The following ESYT3 variants were observed in gnomAD, a reference collection of about 807,000 sequenced individuals.
The protein encoded by ESYT3 is extended synaptotagmin-3.
A neutral mutation model predicts 111.5 loss-of-function variants in ESYT3; 101 were observed. The observed-to-expected ratio is 0.91, with a 90% CI of 0.77 to 1.07. The LOEUF is 1.07. ESYT3 is among the 50% of genes least tolerant of loss of function. The probability of loss-of-function intolerance (pLI) is 0.00; values close to 1 mark genes in which losing one functional copy is unlikely to be tolerated. For synonymous variants in ESYT3, 416 were observed against 446.8 expected (o/e 0.93, Z 0.87); for missense variants, 1,097 against 1,109.4 (o/e 0.99, Z 0.16).
At chr3:138,436,196 G>A (rs2030671734) in intron 1 of ESYT3, among the ~76,000 whole-genome samples, 1 of 152,164 alleles carries the variant, frequency 6.6e-6, no homozygotes, top group Non-Finnish European at 1.5e-5. Flanking sequence ...CAGGCTGCGT[G>A]GCTTAAGCAG....
Position 138,459,183 on chromosome 3 carries a change from T to C in ESYT3, c.582-4T>C. ...CCACCTTCCTTTTCCACCCCCCATTTCAGCTACATCGGGGACTGTGAGATC... is the reference window on the plus strand; with the variant it reads ...CCACCTTCCTTTTCCACCCCCCATTCCAGCTACATCGGGGACTGTGAGATC... On this transcript the variant is annotated splice_polypyrimidine_tract_variant and splice_region_variant and intron_variant, in intron 4 of 22. Transcript: ENST00000389567. 1 of 1,507,648 alleles carries C rather than the reference T, an allele frequency of 6.6e-7. No homozygotes were observed. Among genetic ancestry groups the C allele is most frequent in the South Asian group, 1.3e-5 (1 of 75,506 alleles). 93.4% of individuals were successfully genotyped at this position (1,507,648 alleles called of 1,614,324 possible).
At chr3:138,458,218 T>G (rs991911954) in intron 4 of ESYT3, among the ~76,000 whole-genome samples, 2 of 152,200 alleles carry the variant, frequency 1.3e-5, no homozygotes, top group East Asian at 3.9e-4. Flanking sequence ...CTTTCCCATG[T>G]CTCATTCTGC....
intron 10 of ESYT3, 87 bp downstream of exon 10, chr3:138,465,508 A>T: frequency 1.9e-6 from 2 of 1,039,518 alleles, no homozygotes; most frequent in Non-Finnish European, 2.9e-6. Flanking sequence ...CTACCACTTA[A>T]TGACTAGCAA....
chr3:138,465,298 G>A lies in ESYT3; in HGVS notation c.1087-41G>A, dbSNP rs200720450. 1.5e-4 allele frequency: 220 copies of A among 1,474,428 alleles called. No individual in the cohort carries two copies. The African/African-American group carries it at 2.9e-3, about 19-fold the overall frequency. The allele number at this position is 1,474,428 out of a possible 1,614,324, so 91.3% of individuals were successfully genotyped here. A position where few individuals can be genotyped will look rare whatever the true frequency, so the allele number is the denominator to read the frequency against. ...CTCCCTTTGGGTCATATGTCAGGTCGACTGTTGCCTGCAGGTCAAGACACC... is the reference window on the plus strand; with the variant it reads ...CTCCCTTTGGGTCATATGTCAGGTCAACTGTTGCCTGCAGGTCAAGACACC... On this transcript the variant is annotated intron_variant, in intron 9 of 22. Coordinates refer to ENST00000389567, the MANE Select transcript of ESYT3 (RefSeq NM_031913.5).
At chr3:138,469,574 A>G in intron 15 of ESYT3, 70 bp downstream of exon 15, 1 of 1,329,916 alleles carries the variant, frequency 7.5e-7, no homozygotes, top group Non-Finnish European at 1.1e-6. Flanking sequence ...GAGAGAGGCA[A>G]AAGGGAGGGG....
intron 2 of ESYT3, among the ~76,000 whole-genome samples, chr3:138,454,496 G>A (rs2032146785): frequency 1.3e-5 from 2 of 152,232 alleles, no homozygotes; most frequent in Admixed American, 1.3e-4. Context: ...GGTGGAGGTT[G>A]CAGTGAGCCG....
At chr3:138,463,664 G>T (rs2032771243) in intron 8 of ESYT3, among the ~76,000 whole-genome samples, 2 of 152,226 alleles carry the variant, frequency 1.3e-5, no homozygotes, top group South Asian at 4.2e-4. Context: ...TGGGATTTCT[G>T]GGTCAAAGAG....
chr3:138,473,912 T>C (rs974776214), intron 19 of ESYT3, among the ~76,000 whole-genome samples: 1 of 152,208 alleles, frequency 6.6e-6, no homozygotes, highest in African/African-American at 2.4e-5. Context: ...CAGTACATTT[T>C]CCAAGTGAGA....
chr3:138,473,427 C>T, intron 18 of ESYT3, 109 bp from the exon 19 acceptor site: 1 of 909,390 alleles, frequency 1.1e-6, no homozygotes, highest in Non-Finnish European at 1.7e-6. Flanking sequence ...AATTATTATC[C>T]TACATGGCTC....
At position 138,468,107 on chromosome 3, in the gene ESYT3, G is replaced by GT; in HGVS notation, c.1224dup (p.Val409CysfsTer4). 1 of 1,614,140 alleles carries GT rather than the reference G, an allele frequency of 6.2e-7. No individual in the cohort carries two copies. Among genetic ancestry groups the GT allele is most frequent in the Non-Finnish European group, 8.5e-7 (1 of 1,180,016 alleles). ...AGCTTTCTGCCCCTACCCCACAGTG[G>GT]TTTGTCCTGAATGACACAACCAGCG... On this transcript the variant is annotated frameshift_variant, in exon 12 of 23. Transcript: ENST00000389567. LOFTEE classifies it high-confidence loss of function.
intron 8 of ESYT3, among the ~76,000 whole-genome samples, chr3:138,464,006 G>T (rs2032788797): frequency 6.6e-6 from 1 of 152,182 alleles, no homozygotes; most frequent in African/African-American, 2.4e-5. Context: ...ACAACAGAGG[G>T]GTCTGGAGTA....
Position 138,467,598 on chromosome 3 carries a change from G to A in ESYT3, c.1207G>A (p.Val403Met). Residue 403 changes from valine to methionine, a missense_variant, in exon 11 of 23, where the codon GTG (valine) becomes ATG (methionine). Transcript: ENST00000389567. ...CCTTGGAGATGTCATGACCAACAGA[G>A]TGGTGGATGAGGTACAGTTGGTGCT... Reference protein sequence around the residue: ...ICLGDVMTNRVVDEWFVLNDT... With the variant: ...ICLGDVMTNRMVDEWFVLNDT... 1 of 1,613,988 alleles carries A rather than the reference G, an allele frequency of 6.2e-7. No individual in the cohort carries two copies. Among genetic ancestry groups the A allele is most frequent in the East Asian group, 2.2e-5 (1 of 44,892 alleles).
intron 8 of ESYT3, among the ~76,000 whole-genome samples, chr3:138,463,821 A>C (rs1360870459): frequency 6.6e-6 from 1 of 152,216 alleles, no homozygotes; most frequent in Non-Finnish European, 1.5e-5. Context: ...ACATCTATTC[A>C]TGCAAGTGTA....
In ESYT3 at chr3:138,478,058, A is replaced by C. The variant is rs984893590; in HGVS notation, c.*1204A>C. On this transcript the variant is annotated 3_prime_UTR_variant, in exon 23 of 23. Coordinates refer to ENST00000389567, the MANE Select transcript of ESYT3 (RefSeq NM_031913.5). Reference sequence around the variant, plus strand: ...CTCAAACCTATTTCCTCTATTAAGTAAGTCAGTCAATCCATAGTGAAATGG... The same window carrying C: ...CTCAAACCTATTTCCTCTATTAAGTCAGTCAGTCAATCCATAGTGAAATGG... 8 of 152,210 alleles carry C rather than the reference A, an allele frequency of 5.3e-5. No homozygotes were observed. The highest frequency in any genetic ancestry group is 4.1e-4 in the South Asian group (2 of 4,832). The allele number at this position is 152,210 out of a possible 1,614,324, so 9.4% of individuals were successfully genotyped here. A position where few individuals can be genotyped will look rare whatever the true frequency, so the allele number is the denominator to read the frequency against.
At chr3:138,465,497 C>T (rs1453131158) in intron 10 of ESYT3, 76 bp downstream of exon 10, 19 of 1,180,818 alleles carry the variant, frequency 1.6e-5, no homozygotes, top group East Asian at 1.0e-4. Context: ...ATACCCTGCT[C>T]CTACCACTTA....
chr3:138,460,005 G>A lies in ESYT3; in HGVS notation c.709G>A (p.Ala237Thr). The part of the protein sequence containing the change: ...PLLVDKPFVG[A>T]VTVFFLQKPH... ...CCTAGTGGACAAGCCCTTTGTGGGA[G>A]CCGTGACTGTGTTCTTCCTTCAGAA... Residue 237 changes from alanine to threonine, a missense_variant, in exon 6 of 23, where the codon GCC becomes ACC. Ala to Thr is a moderately conservative substitution (Grantham distance 58, BLOSUM62 0). Transcript: ENST00000389567. The A allele has an allele frequency of 6.2e-7, 1 of 1,614,178 alleles. No homozygotes were observed. The highest frequency in any genetic ancestry group is 8.5e-7 in the Non-Finnish European group (1 of 1,180,012).
chr3:138,461,055 A>G (rs1487205772), intron 7 of ESYT3, among the ~76,000 whole-genome samples: 1 of 152,168 alleles, frequency 6.6e-6, no homozygotes, highest in East Asian at 1.9e-4. Context: ...TGGCTCTGTC[A>G]CTGAGCAACT....
In ESYT3 at chr3:138,472,959, T is replaced by C. The variant is rs371321438; in HGVS notation, c.2237+100T>C. On this transcript the variant is annotated intron_variant, in intron 18 of 22. Coordinates refer to ENST00000389567, the MANE Select transcript of ESYT3 (RefSeq NM_031913.5). The stretch of plus-strand genomic sequence containing the variant: ...TGAACTTACATTTCTGTGCAAGTTG[T>C]TTTTTCACAAAATATCTTCCTAAGA... 14 of 1,517,452 alleles carry C rather than the reference T, an allele frequency of 9.2e-6. No individual in the cohort carries two copies. The African/African-American group carries it at 9.7e-5, about 11-fold the overall frequency. The allele number at this position is 1,517,452 out of a possible 1,614,324, so 94.0% of individuals were successfully genotyped here. A position where few individuals can be genotyped will look rare whatever the true frequency, so the allele number is the denominator to read the frequency against.
At chr3:138,445,611 G>A (rs544732058) in intron 1 of ESYT3, among the ~76,000 whole-genome samples, 8 of 152,306 alleles carry the variant, frequency 5.3e-5, no homozygotes, top group Admixed American at 2.6e-4. Flanking sequence ...AATTTGCTGC[G>A]CTCTGGGTGA....
Sources: allele counts gnomAD v4.1 joint callset (sites outside exome capture counted in the v4.1 genomes callset), GRCh38; gene constraint gnomAD v4.1.1; transcripts MANE v1.5; gene names NCBI Gene and HGNC (gene_info 2026-07-23, HGNC 2026-07-21).